TIMM22: variants seen among roughly 807,000 people sequenced by gnomAD.
TIMM22 encodes mitochondrial import inner membrane translocase subunit Tim22.
Under a neutral mutation model 18.3 loss-of-function variants are expected in TIMM22, and 12 were observed. The observed-to-expected ratio is 0.65, with a 90% confidence interval of 0.42 to 1.06. The LOEUF is 1.06. Among genes scored for constraint, TIMM22 ranks in the 50% least tolerant of loss-of-function variants. The probability of loss-of-function intolerance (pLI) is 0.00; values close to 1 mark genes in which losing one functional copy is unlikely to be tolerated. For synonymous variants in TIMM22, 107 were observed against 98.5 expected, an observed-to-expected ratio of 1.09 and a Z score of -0.51; for missense variants, 278 against 252.8, an observed-to-expected ratio of 1.10 and a Z score of -0.68.
At chr17:997,452 C>G (rs2069695134) in intron 1 of TIMM22, 72 bp downstream of exon 1, 1 of 1,467,296 alleles carries the variant, frequency 6.8e-7, no homozygotes, top group Non-Finnish European at 9.3e-7. Flanking sequence ...CCGAGAAGAC[C>G]ACGCGCCTGG....
chr17:999,903 T>A (rs1422072727), intron 3 of TIMM22, among the ~76,000 whole-genome samples: 1 of 76,466 alleles, frequency 1.3e-5, no homozygotes, highest in Admixed American at 1.2e-4. Context: ...TTGTAACAAC[T>A]TTTTTTTTTT....
Position 1,001,137 on chromosome 17 carries a change from C to A in TIMM22, c.*49C>A, listed in dbSNP as rs151010010. Reference sequence around the variant, plus strand: ...TGATGCCAGCCCCGGATCCGGGCTGCTCTCTGGAGGACAGTTTCTGTACCA... The same window carrying A: ...TGATGCCAGCCCCGGATCCGGGCTGATCTCTGGAGGACAGTTTCTGTACCA... On this transcript the variant is annotated 3_prime_UTR_variant, in exon 4 of 4. Transcript: ENST00000327158. 5.1e-4 allele frequency: 812 copies of A among 1,587,948 alleles called. 6 individuals are homozygous for A. In the African/African-American group the frequency reaches 8.9e-3, roughly 17 times the overall value.
intron 1 of TIMM22, 45 bp downstream of exon 1, chr17:997,425 G>T: frequency 6.3e-7 from 1 of 1,577,850 alleles, no homozygotes; most frequent in Non-Finnish European, 8.6e-7. Flanking sequence ...GGGCCTGGAC[G>T]GCAGTGGGGA....
rs367811913 is a variant in TIMM22, at chr17:997,130, G to A, written c.-13G>A. 1.9e-6 allele frequency: 3 copies of A among 1,607,156 alleles called. No homozygotes were observed. Among genetic ancestry groups the A allele is most frequent in the Non-Finnish European group, 2.5e-6 (3 of 1,177,688 alleles). On this transcript the variant is annotated 5_prime_UTR_variant, in exon 1 of 4. Coordinates refer to ENST00000327158, the MANE Select transcript of TIMM22 (RefSeq NM_013337.4). ...GGGAGAAGGACGCGAGGGTTGCTTG[G>A]GCAGCGACTGTCATGGCGGCGGCCG...
At position 997,281 on chromosome 17, in the gene TIMM22, C is replaced by G. The variant is rs2069692309; in HGVS notation, c.139C>G (p.Leu47Val). ...GCCCCGGCTCCTGGAGCCTGGGAGC[C>G]TGGGCGGGATCCCAAGTCCAGCCAA... is the stretch of plus-strand genomic sequence containing the variant. The part of the protein sequence containing the change: ...RQPRLLEPGS[L>V]GGIPSPAKSE... The change falls in exon 1 of 4, where the codon CTG (leucine) becomes GTG (valine). Residue 47 changes from leucine (L) to valine (V), a missense_variant. Transcript: ENST00000327158. The G allele has an allele frequency of 6.2e-7, 1 of 1,613,700 alleles. No homozygotes were observed. Among genetic ancestry groups the G allele is most frequent in the Non-Finnish European group, 8.5e-7 (1 of 1,179,958 alleles).
rs1567541572 is a variant in TIMM22 at position 1,002,690 on chromosome 17, T to C, written c.*1602T>C. 1 of 152,182 alleles carries C rather than the reference T, an allele frequency of 6.6e-6. No homozygotes were observed. The highest frequency in any genetic ancestry group is 2.1e-4 in the South Asian group (1 of 4,824). The allele number at this position is 152,182 out of a possible 1,614,324, so 9.4% of individuals were successfully genotyped here. ...TTGTTTCCTCTGCTGTCCCTAAATA[T>C]AGGACACCTACAAGCACTCTGAAGC... is the stretch of plus-strand genomic sequence containing the variant. On this transcript the variant is annotated 3_prime_UTR_variant, in exon 4 of 4. Transcript: ENST00000327158.
At chr17:998,050 T>C (rs1180555976) in intron 1 of TIMM22, among the ~76,000 whole-genome samples, 1 of 152,206 alleles carries the variant, frequency 6.6e-6, no homozygotes, top group Non-Finnish European at 1.5e-5. Context: ...CAGACGACTC[T>C]AGGGCAGCAG....
rs1273212891 is a variant in TIMM22, at chr17:1,003,130, C to CT, written c.*2043dup. The CT allele has an allele frequency of 6.6e-6, 1 of 152,168 alleles. No homozygotes were observed. Among genetic ancestry groups the CT allele is most frequent in the Non-Finnish European group, 1.5e-5 (1 of 68,020 alleles). 9.4% of individuals were successfully genotyped at this position (152,168 alleles called of 1,614,324 possible). ...CAAGCAGATTAGACCAAAAGGCTGC[C>CT]TCAAAGATATGCCACTTTGAAGGAA... On this transcript the variant is annotated 3_prime_UTR_variant, in exon 4 of 4. Coordinates refer to ENST00000327158, the MANE Select transcript of TIMM22 (RefSeq NM_013337.4).
At position 1,001,183 on chromosome 17, in the gene TIMM22, G is replaced by A. The variant is rs184257817; in HGVS notation, c.*95G>A. On this transcript the variant is annotated 3_prime_UTR_variant, in exon 4 of 4. Coordinates refer to ENST00000327158, the MANE Select transcript of TIMM22 (RefSeq NM_013337.4). ...TACCACACCAGGGCCTTGCTTCAGG[G>A]CCTGAAGACATTCATTTTCCCTCAT... The A allele has an allele frequency of 1.3e-3, 1,693 of 1,313,128 alleles. 19 individuals are homozygous for A. Among genetic ancestry groups the A allele is most frequent in the Non-Finnish European group, 3.1e-4 (281 of 917,584 alleles). 81.3% of individuals were successfully genotyped at this position (1,313,128 alleles called of 1,614,324 possible).
rs1172049083 is a variant in TIMM22, at chr17:1,002,700, A to C, written c.*1612A>C. On this transcript the variant is annotated 3_prime_UTR_variant, in exon 4 of 4. Transcript: ENST00000327158. ...TGCTGTCCCTAAATATAGGACACCT[A>C]CAAGCACTCTGAAGCAAGGGCAGAC... The C allele has an allele frequency of 6.6e-6, 1 of 152,144 alleles. No individual in the cohort carries two copies. The highest frequency in any genetic ancestry group is 1.5e-5 in the Non-Finnish European group (1 of 68,014). 9.4% of individuals were successfully genotyped at this position (152,144 alleles called of 1,614,324 possible).
At chr17:998,673 C>G in intron 1 of TIMM22, 106 bp from the exon 2 acceptor site, 1 of 1,234,098 alleles carries the variant, frequency 8.1e-7, no homozygotes, top group Admixed American at 2.5e-5. Flanking sequence ...GGGGGGTGTC[C>G]TCTGCACCGG....
chr17:997,386 G>T lies in TIMM22; in HGVS notation c.238+6G>T. On this transcript the variant is annotated splice_donor_region_variant and intron_variant, in intron 1 of 3. Transcript: ENST00000327158. ...TGCGCTGGCCTGCGTGGGAGGTGAGGCCGGGCGATGGGACCCTTGGGAGGC... is the reference window on the plus strand; with the variant it reads ...TGCGCTGGCCTGCGTGGGAGGTGAGTCCGGGCGATGGGACCCTTGGGAGGC... 1.2e-6 allele frequency: 2 copies of T among 1,611,148 alleles called. No individual in the cohort carries two copies. The highest frequency in any genetic ancestry group is 1.7e-6 in the Non-Finnish European group (2 of 1,178,524).
rs1363349114 is a variant in TIMM22, at chr17:997,523, G to A, written c.238+143G>A. 1.3e-5 allele frequency: 10 copies of A among 796,678 alleles called. No individual in the cohort carries two copies. In the Admixed American group the frequency reaches 1.5e-4, roughly 12 times the overall value. The allele number at this position is 796,678 out of a possible 1,614,324, so 49.4% of individuals were successfully genotyped here. On this transcript the variant is annotated intron_variant, in intron 1 of 3. Coordinates refer to ENST00000327158, the MANE Select transcript of TIMM22 (RefSeq NM_013337.4). ...CCCTCGCCTCGTTCGTGAATCGGGC[G>A]TCACCTCTCCTGCCCCCTCAGGCCG...
At position 997,252 on chromosome 17, in the gene TIMM22, G is replaced by C; in HGVS notation, c.110G>C (p.Arg37Pro). The change falls in exon 1 of 4, where the codon CGT (arginine) becomes CCT (proline). Residue 37 changes from arginine (R) to proline (P), a missense_variant. Coordinates refer to ENST00000327158, the MANE Select transcript of TIMM22 (RefSeq NM_013337.4). ...CTGCAGTACCTGGTGGGTGACAAGCGTCAGCCCCGGCTCCTGGAGCCTGGG... is the reference window on the plus strand; with the variant it reads ...CTGCAGTACCTGGTGGGTGACAAGCCTCAGCCCCGGCTCCTGGAGCCTGGG... ...LLLQYLVGDKRQPRLLEPGSL... is the reference protein window; with the variant it reads ...LLLQYLVGDKPQPRLLEPGSL... 6.2e-7 allele frequency: 1 copy of C among 1,613,540 alleles called. No individual in the cohort carries two copies.
intron 3 of TIMM22, among the ~76,000 whole-genome samples, chr17:1,000,184 A>C (rs1230929099): frequency 6.6e-6 from 1 of 152,198 alleles, no homozygotes; most frequent in Non-Finnish European, 1.5e-5. Context: ...ACGTGTGGCC[A>C]ACATTTTTCT....
At chr17:999,982 C>T (rs1429443922) in intron 3 of TIMM22, among the ~76,000 whole-genome samples, 1 of 152,178 alleles carries the variant, frequency 6.6e-6, no homozygotes, top group African/African-American at 2.4e-5. Flanking sequence ...TCACTGCAAC[C>T]TCCACCTCCT....
Position 998,764 on chromosome 17 carries a change from T to C in TIMM22, c.239-15T>C. ...AACATGCCAAAGACACCTTCATCTC[T>C]GTGTTTGCTTCTAGGATTTGTCTTA... On this transcript the variant is annotated splice_polypyrimidine_tract_variant and intron_variant, in intron 1 of 3. Coordinates refer to ENST00000327158, the MANE Select transcript of TIMM22 (RefSeq NM_013337.4). 6.2e-7 allele frequency: 1 copy of C among 1,608,438 alleles called. No homozygotes were observed. Among genetic ancestry groups the C allele is most frequent in the African/African-American group, 1.3e-5 (1 of 74,868 alleles).
At chr17:999,358 T>TATATATATATATATATATATAC (rs1408779709) in intron 2 of TIMM22, among the ~76,000 whole-genome samples, 154 bp from the exon 3 acceptor site, 4 of 132,610 alleles carry the variant, frequency 3.0e-5, no homozygotes, top group African/African-American at 1.3e-4. Context: ...TATATATATA[T>TATATATATATATATATATATAC]ACACGCTGTA....
chr17:999,796 C>T (rs553653868), intron 3 of TIMM22, among the ~76,000 whole-genome samples: 119 of 152,240 alleles, frequency 7.8e-4, no homozygotes, highest in Non-Finnish European at 1.1e-3. Flanking sequence ...TTCGACCAGA[C>T]GAATCTTTGT....
Sources: allele counts gnomAD v4.1 joint callset (sites outside exome capture counted in the v4.1 genomes callset), GRCh38; gene constraint gnomAD v4.1.1; transcripts MANE v1.5; gene names NCBI Gene and HGNC (gene_info 2026-07-23, HGNC 2026-07-21).